Variants in ERBB4 observed in about 807,000 individuals in gnomAD.
ERBB4 encodes the protein erb-b2 receptor tyrosine kinase 4.
Under a neutral mutation model 158.0 loss-of-function variants are expected in ERBB4, and 42 were observed. The ratio of observed to expected loss-of-function variants is 0.27; its 90% CI spans 0.21 to 0.34. The LOEUF (loss-of-function observed/expected upper bound fraction) is 0.34. Ranked by LOEUF, ERBB4 falls within the 10% of genes least tolerant of loss-of-function variation. The pLI, the probability that ERBB4 is intolerant of heterozygous loss-of-function variation, is 1.00. For missense variants in ERBB4, 1,333 were observed against 1,624.1 expected, an observed-to-expected ratio of 0.82 and a Z score of 3.08; for synonymous variants, 583 against 558.7, an observed-to-expected ratio of 1.04 and a Z score of -0.61.
chr2:212,322,297 G>A (rs1011208836), intron 1 of ERBB4, among the ~76,000 whole-genome samples: 2 of 150,084 alleles, frequency 1.3e-5, no homozygotes, highest in African/African-American at 4.9e-5. Flanking sequence ...GTGCATAATA[G>A]GGATAGTAAG....
At chr2:212,196,870 G>C (rs202232587) in intron 1 of ERBB4, among the ~76,000 whole-genome samples, 2 of 152,206 alleles carry the variant, frequency 1.3e-5, no homozygotes, top group East Asian at 3.9e-4. Context: ...ATTGACATAC[G>C]TGTATAAATC....
intron 9 of ERBB4, among the ~76,000 whole-genome samples, chr2:211,711,518 T>C (rs2073700974): frequency 1.3e-5 from 2 of 152,154 alleles, no homozygotes; most frequent in African/African-American, 4.8e-5. Context: ...ATGAAATTCA[T>C]TTAGCAGCAT....
Position 212,507,952 on chromosome 2 carries a change from A to G in ERBB4, c.82+30497T>C, listed in dbSNP as rs151206419. Among the ~76,000 whole-genome samples, 1,037 of 152,296 alleles carry G rather than the reference A, an allele frequency of 6.8e-3. 14 individuals carry two copies. The highest frequency in any genetic ancestry group is 0.024 in the African/African-American group (995 of 41,566). Reference sequence around the variant, plus strand: ...TGGAGAGACATTTTTCATGAAAGGAAGAGTCAACAAATGAGGCAAATTTCA... The same window carrying G: ...TGGAGAGACATTTTTCATGAAAGGAGGAGTCAACAAATGAGGCAAATTTCA... On this transcript the variant is annotated intron_variant, in intron 1 of 27. Transcript: ENST00000342788.
intron 20 of ERBB4, among the ~76,000 whole-genome samples, chr2:211,483,531 T>C (rs2065134090): frequency 1.3e-5 from 2 of 151,842 alleles, no homozygotes; most frequent in Admixed American, 1.3e-4. Context: ...TTGTTTGTTT[T>C]TCTTTTGTTT....
chr2:212,383,396 C>A (rs570499164), intron 1 of ERBB4, among the ~76,000 whole-genome samples: 27 of 151,492 alleles, frequency 1.8e-4, no homozygotes, highest in African/African-American at 5.1e-4. Context: ...TTAGAAGTTT[C>A]CACTTATCCG....
intron 6 of ERBB4, 64 bp downstream of exon 6, chr2:211,725,012 T>C: frequency 8.6e-7 from 1 of 1,160,436 alleles, no homozygotes; most frequent in Admixed American, 1.7e-5. Context: ...AGATTCAGTA[T>C]GCCTGAATCA....
At chr2:212,336,869 T>C (rs771733222) in intron 1 of ERBB4, among the ~76,000 whole-genome samples, 3 of 152,032 alleles carry the variant, frequency 2.0e-5, no homozygotes, top group Non-Finnish European at 4.4e-5. Context: ...TGTGAGTGAC[T>C]TGAAGGTTCT....
chr2:211,593,829 T>C (rs2068547337), intron 19 of ERBB4, among the ~76,000 whole-genome samples: 1 of 152,190 alleles, frequency 6.6e-6, no homozygotes, highest in Middle Eastern at 3.2e-3. Context: ...CAGAGATTTC[T>C]TCAGCTGCAA....
chr2:212,465,314 TAA>T (rs71397167), intron 1 of ERBB4, among the ~76,000 whole-genome samples: 4,074 of 152,256 alleles, frequency 0.027, 70 homozygotes, highest in Non-Finnish European at 0.04. Flanking sequence ...GACAACTTCC[TAA>T]GTTTGATTTT....
intron 2 of ERBB4, among the ~76,000 whole-genome samples, chr2:212,076,113 G>T (rs1342304572): frequency 1.3e-5 from 2 of 151,800 alleles, no homozygotes; most frequent in South Asian, 4.1e-4. Context: ...CAATTGGTTT[G>T]TTATGATGAA....
intron 1 of ERBB4, among the ~76,000 whole-genome samples, chr2:212,365,283 T>G (rs2089844841): frequency 6.6e-6 from 1 of 151,812 alleles, no homozygotes; most frequent in Non-Finnish European, 1.5e-5. Context: ...TTAAATGATG[T>G]TTTCTTTTTA....
At chr2:212,181,277 C>A (rs777244671) in intron 1 of ERBB4, among the ~76,000 whole-genome samples, 27 of 151,680 alleles carry the variant, frequency 1.8e-4, no homozygotes, top group South Asian at 1.0e-3. Context: ...TTATACACAT[C>A]AAATAGCCAT....
intron 20 of ERBB4, among the ~76,000 whole-genome samples, chr2:211,474,090 C>G (rs1295377447): frequency 1.3e-5 from 2 of 151,922 alleles, no homozygotes; most frequent in Non-Finnish European, 2.9e-5. Context: ...TTTTCTTTGT[C>G]TTTCTCTCAC....
chr2:211,455,454 T>G (rs1051886384), intron 20 of ERBB4, among the ~76,000 whole-genome samples: 1 of 152,156 alleles, frequency 6.6e-6, no homozygotes, highest in Non-Finnish European at 1.5e-5. Context: ...AGCTGCCTTT[T>G]GTTTGGTTTT....
intron 1 of ERBB4, among the ~76,000 whole-genome samples, chr2:212,176,162 C>T (rs11889311): frequency 2.0e-5 from 3 of 151,742 alleles, no homozygotes; most frequent in Admixed American, 6.6e-5. Flanking sequence ...CAGGCTAACC[C>T]TTGCTGTGCT....
At chr2:211,978,959 T>G (rs2081712214) in intron 2 of ERBB4, among the ~76,000 whole-genome samples, 1 of 152,278 alleles carries the variant, frequency 6.6e-6, no homozygotes, top group African/African-American at 2.4e-5. Flanking sequence ...CTCTTGAAAG[T>G]CCATAGATAT....
chr2:211,878,021 T>C (rs1422281539), intron 3 of ERBB4, among the ~76,000 whole-genome samples: 1 of 152,164 alleles, frequency 6.6e-6, no homozygotes, highest in Non-Finnish European at 1.5e-5. Context: ...GGAAGCAGAA[T>C]ATCTTGAACC....
At chr2:211,412,495 A>G (rs1388555439) in intron 25 of ERBB4, among the ~76,000 whole-genome samples, 1 of 152,162 alleles carries the variant, frequency 6.6e-6, no homozygotes, top group Non-Finnish European at 1.5e-5. Flanking sequence ...TCTTTTTCCT[A>G]TAATTCCTGG....
intron 22 of ERBB4, among the ~76,000 whole-genome samples, chr2:211,427,859 G>C (rs941001847): frequency 6.8e-5 from 10 of 147,288 alleles, no homozygotes; most frequent in Non-Finnish European, 1.3e-4. Flanking sequence ...CTGTCAAAAT[G>C]ATCAGGCAAG....
Sources: allele counts gnomAD v4.1 joint callset (sites outside exome capture counted in the v4.1 genomes callset), GRCh38; gene constraint gnomAD v4.1.1; transcripts MANE v1.5; gene names NCBI Gene and HGNC (gene_info 2026-07-23, HGNC 2026-07-21).